ZHX3: variants seen among roughly 807,000 people sequenced by gnomAD.
ZHX3 encodes zinc fingers and homeoboxes protein 3.
A neutral mutation model predicts 64.5 loss-of-function variants in ZHX3; 20 were observed. The ratio of observed to expected loss-of-function variants is 0.31; its 90% CI spans 0.22 to 0.45. The LOEUF (loss-of-function observed/expected upper bound fraction) is 0.45, where lower values mean the gene tolerates loss of function less well. Among genes scored for constraint, ZHX3 ranks in the 20% least tolerant of loss-of-function variants. ZHX3 has a pLI of 1.00. For missense variants in ZHX3, 1,041 were observed against 1,195.8 expected, an observed-to-expected ratio of 0.87 and a Z score of 1.91; for synonymous variants, 423 against 461.6, an observed-to-expected ratio of 0.92 and a Z score of 1.07.
At chr20:41,265,392 G>A (rs549722739) in intron 2 of ZHX3, among the ~76,000 whole-genome samples, 1 of 152,016 alleles carries the variant, frequency 6.6e-6, no homozygotes, top group African/African-American at 2.4e-5. Flanking sequence ...AGTAGAGATA[G>A]GGTTTCTCCA....
At chr20:41,221,061 C>T (rs575038278) in intron 2 of ZHX3, among the ~76,000 whole-genome samples, 6 of 152,224 alleles carry the variant, frequency 3.9e-5, no homozygotes, top group Admixed American at 3.3e-4. Flanking sequence ...CTTCTTTTCC[C>T]CTAAACCAAT....
intron 2 of ZHX3, among the ~76,000 whole-genome samples, chr20:41,218,559 T>C (rs773682098): frequency 1.6e-4 from 24 of 152,218 alleles, no homozygotes; most frequent in South Asian, 6.2e-4. Flanking sequence ...CTTACTCTTA[T>C]GTATTAATAG....
chr20:41,236,635 G>T (rs2041011792), intron 2 of ZHX3, among the ~76,000 whole-genome samples: 1 of 152,194 alleles, frequency 6.6e-6, no homozygotes, highest in African/African-American at 2.4e-5. Context: ...ATGGATTAAA[G>T]ACTTAAATGT....
intron 2 of ZHX3, among the ~76,000 whole-genome samples, chr20:41,233,499 C>T (rs975110783): frequency 1.3e-5 from 2 of 152,220 alleles, no homozygotes; most frequent in African/African-American, 4.8e-5. Flanking sequence ...CAGATGGGAA[C>T]TTCATTCACA....
chr20:41,300,896 G>A (rs1403772154), intron 1 of ZHX3, among the ~76,000 whole-genome samples: 1 of 152,200 alleles, frequency 6.6e-6, no homozygotes, highest in Non-Finnish European at 1.5e-5. Context: ...AAGGGCTAAG[G>A]AGGAGGGCCT....
At chr20:41,255,499 A>G (rs1453735967) in intron 2 of ZHX3, among the ~76,000 whole-genome samples, 1 of 152,218 alleles carries the variant, frequency 6.6e-6, no homozygotes, top group African/African-American at 2.4e-5. Flanking sequence ...GCTAAGTCTT[A>G]CAAATTAATT....
intron 2 of ZHX3, among the ~76,000 whole-genome samples, chr20:41,251,465 G>T (rs1236729685): frequency 6.6e-6 from 1 of 152,058 alleles, no homozygotes; most frequent in Non-Finnish European, 1.5e-5. Context: ...AAAACTATTA[G>T]AAAGTCAAGA....
At chr20:41,262,444 T>G (rs976021355) in intron 2 of ZHX3, among the ~76,000 whole-genome samples, 2 of 152,166 alleles carry the variant, frequency 1.3e-5, no homozygotes, top group African/African-American at 4.8e-5. Flanking sequence ...TTCAGACTTT[T>G]GCCCTCTCAC....
chr20:41,281,406 A>G (rs2043669617), intron 1 of ZHX3, among the ~76,000 whole-genome samples: 1 of 152,266 alleles, frequency 6.6e-6, no homozygotes, highest in Admixed American at 6.5e-5. Context: ...GGATACAAGA[A>G]GCAGTGCTGA....
chr20:41,207,298 A>T (rs2038796325), intron 2 of ZHX3, among the ~76,000 whole-genome samples: 1 of 152,152 alleles, frequency 6.6e-6, no homozygotes, highest in Non-Finnish European at 1.5e-5. Context: ...TTCACACATA[A>T]CAATATTAAC....
intron 3 of ZHX3, among the ~76,000 whole-genome samples, chr20:41,192,773 T>C (rs1341357735): frequency 6.6e-6 from 1 of 152,190 alleles, no homozygotes; most frequent in African/African-American, 2.4e-5. Flanking sequence ...GCTGTTTTGT[T>C]CTCAGGAAGT....
intron 1 of ZHX3, among the ~76,000 whole-genome samples, chr20:41,315,238 G>A (rs1013922159): frequency 2.6e-5 from 4 of 151,850 alleles, no homozygotes; most frequent in Admixed American, 6.6e-5. Flanking sequence ...GCTGGAGTGC[G>A]GTGGTGTGAT....
chr20:41,216,229 A>G (rs1332874776), intron 2 of ZHX3, among the ~76,000 whole-genome samples: 1 of 152,212 alleles, frequency 6.6e-6, no homozygotes, highest in Non-Finnish European at 1.5e-5. Context: ...AAAAATTCAT[A>G]GGTAGCATTC....
intron 1 of ZHX3, among the ~76,000 whole-genome samples, chr20:41,275,822 A>G (rs2043353285): frequency 6.6e-6 from 1 of 152,236 alleles, no homozygotes; most frequent in African/African-American, 2.4e-5. Context: ...GAATGACTGT[A>G]CTTCTCCCTC....
At chr20:41,315,463 G>C (rs1177595207) in intron 1 of ZHX3, among the ~76,000 whole-genome samples, 1 of 147,708 alleles carries the variant, frequency 6.8e-6, no homozygotes, top group Non-Finnish European at 1.5e-5. Context: ...AAAGTGCTGT[G>C]ATTACAAGTG....
In ZHX3 at chr20:41,222,906, T is replaced by TAA. The variant is rs11482200; in HGVS notation, c.-150-17842_-150-17841dup. ...ACTTGAATTTCTCAAGAACATTTGTTAAAAAAAAAAAAAAAAGAAAGAAAG... is the reference window on the plus strand; with the variant it reads ...ACTTGAATTTCTCAAGAACATTTGTTAAAAAAAAAAAAAAAAAAGAAAGAAAG... On this transcript the variant is annotated intron_variant, in intron 2 of 3. Coordinates refer to ENST00000683867, the MANE Select transcript of ZHX3 (RefSeq NM_001384317.1). Among the ~76,000 whole-genome samples the TAA allele has an allele frequency of 3.3e-3, 447 of 137,172 alleles. 8 individuals carry two copies. The East Asian group carries it at 0.056, about 17-fold the overall frequency. 90.0% of individuals were successfully genotyped at this position (137,172 alleles called of 152,430 possible). A position where few individuals can be genotyped will look rare whatever the true frequency, so the allele number is the denominator to read the frequency against.
At chr20:41,191,897 G>A (rs967038162) in intron 3 of ZHX3, among the ~76,000 whole-genome samples, 47 of 152,234 alleles carry the variant, frequency 3.1e-4, no homozygotes, top group Admixed American at 2.0e-4. Context: ...GCAGTGGACA[G>A]AGCATGCCTG....
chr20:41,299,677 C>T (rs536270404), intron 1 of ZHX3, among the ~76,000 whole-genome samples: 1 of 152,034 alleles, frequency 6.6e-6, no homozygotes, highest in Non-Finnish European at 1.5e-5. Flanking sequence ...GCTTTGCCAA[C>T]ACGGCGAAAC....
rs1355108096 is a variant in ZHX3, at chr20:41,183,084, C to G, written c.*2107G>C. On this transcript the variant is annotated 3_prime_UTR_variant, in exon 4 of 4. Coordinates refer to ENST00000683867, the MANE Select transcript of ZHX3 (RefSeq NM_001384317.1). This position sits in a 1 kb window ranked among gnomAD's most constrained non-coding sequence, Gnocchi z 5.3. ...ACTGGTGTCCCTCCAACACAGGCTA[C>G]TCCCCCAACACCCATGTGCCACCAA... is the stretch of plus-strand genomic sequence containing the variant. 3 of 152,228 alleles carry G rather than the reference C, an allele frequency of 2.0e-5. No individual in the cohort carries two copies. Among genetic ancestry groups the G allele is most frequent in the Non-Finnish European group, 4.4e-5 (3 of 68,056 alleles). The allele number at this position is 152,228 out of a possible 1,614,324, so 9.4% of individuals were successfully genotyped here. A position where few individuals can be genotyped will look rare whatever the true frequency, so the allele number is the denominator to read the frequency against.
Sources: allele counts gnomAD v4.1 joint callset (sites outside exome capture counted in the v4.1 genomes callset), GRCh38; gene constraint gnomAD v4.1.1; non-coding constraint Gnocchi (gnomAD v3.1); transcripts MANE v1.5; gene names NCBI Gene and HGNC (gene_info 2026-07-23, HGNC 2026-07-21).